Variants in MEPE observed in about 807,000 individuals in gnomAD.
The protein encoded by MEPE is matrix extracellular phosphoglycoprotein.
In MEPE, 7 loss-of-function variants were observed where a neutral mutation model predicts 7.3. That is an observed-to-expected ratio of 0.95 (90% CI 0.54 to 1.79). The LOEUF is 1.79. Ranked by LOEUF, MEPE falls within the 40% of genes most tolerant of loss-of-function variation. The pLI is 0.00. For missense variants in MEPE, 623 were observed against 628.2 expected (o/e 0.99, Z 0.09); for synonymous variants, 214 against 213.1 (o/e 1.00, Z -0.04).
chr4:87,833,606 C>A (rs1055456099), intron 1 of MEPE, among the ~76,000 whole-genome samples: 4 of 152,016 alleles, frequency 2.6e-5, no homozygotes, highest in Non-Finnish European at 4.4e-5. Context: ...CCCATAAAAA[C>A]AAGTTTTTCT....
chr4:87,828,495 A>G (rs1303379713), upstream of MEPE, among the ~76,000 whole-genome samples: 1 of 152,156 alleles, frequency 6.6e-6, no homozygotes, highest in Non-Finnish European at 1.5e-5. Context: ...CTAGAATACT[A>G]AGTTTAAAAA....
chr4:87,834,539 C>T (rs1015807746), intron 1 of MEPE, among the ~76,000 whole-genome samples, 164 bp from the exon 2 acceptor site: 7 of 152,152 alleles, frequency 4.6e-5, no homozygotes, highest in Admixed American at 2.6e-4. Context: ...TGTCCACACT[C>T]GGGTATAAGC....
chr4:87,829,567 T>C (rs192622383), upstream of MEPE, among the ~76,000 whole-genome samples: 1 of 152,154 alleles, frequency 6.6e-6, no homozygotes, highest in African/African-American at 2.4e-5. Context: ...CTAAGGCACA[T>C]ATCAAGTGTT....
intron 1 of MEPE, among the ~76,000 whole-genome samples, chr4:87,821,849 C>G (rs1356297608): frequency 6.6e-6 from 1 of 152,068 alleles, no homozygotes; most frequent in Non-Finnish European, 1.5e-5. Context: ...AGTTAAAGAC[C>G]CCTGAGCACC....
At chr4:87,840,346 G>A (rs55753538) in intron 3 of MEPE, among the ~76,000 whole-genome samples, 4,149 of 152,168 alleles carry the variant, frequency 0.027, 191 homozygotes, top group African/African-American at 0.094. Context: ...TCGGCCAAAG[G>A]GCTGGAAATA....
intron 3 of MEPE, chr4:87,839,549 TAAG>T (rs1186868556): frequency 9.4e-6 from 6 of 637,228 alleles, no homozygotes; most frequent in Admixed American, 5.7e-5. Context: ...CCTGTGGTTA[TAAG>T]AAGTACTACC....
At chr4:87,823,388 AG>A (rs926513728) in intron 1 of MEPE, among the ~76,000 whole-genome samples, 1 of 152,226 alleles carries the variant, frequency 6.6e-6, no homozygotes, top group African/African-American at 2.4e-5. Context: ...AGGATAGCAG[AG>A]GGGACCCATC....
intron 2 of MEPE, among the ~76,000 whole-genome samples, chr4:87,835,660 C>G (rs1578056528): frequency 2.6e-5 from 4 of 152,204 alleles, no homozygotes; most frequent in East Asian, 3.9e-4. Flanking sequence ...TCCGCACACA[C>G]TCTGTGCAAC....
chr4:87,838,856 C>G (rs1371337731), intron 3 of MEPE, among the ~76,000 whole-genome samples, 171 bp downstream of exon 3: 2 of 152,212 alleles, frequency 1.3e-5, no homozygotes, highest in Non-Finnish European at 2.9e-5. Context: ...ACTCACACAC[C>G]ATGTGTGACA....
intron 1 of MEPE, among the ~76,000 whole-genome samples, chr4:87,822,220 T>C (rs989243411): frequency 6.6e-6 from 1 of 152,200 alleles, no homozygotes; most frequent in Non-Finnish European, 1.5e-5. Flanking sequence ...AGTCTTTTGA[T>C]TGGCGTATTA....
At chr4:87,833,807 A>C (rs80127197) in intron 1 of MEPE, among the ~76,000 whole-genome samples, 1,873 of 152,296 alleles carry the variant, frequency 0.012, 41 homozygotes, top group African/African-American at 0.043. Flanking sequence ...TTTGAACATC[A>C]TTTTGTTGAG....
At chr4:87,825,734 T>C (rs1024453163) in intron 1 of MEPE, among the ~76,000 whole-genome samples, 1 of 152,224 alleles carries the variant, frequency 6.6e-6, no homozygotes, top group Non-Finnish European at 1.5e-5. Flanking sequence ...ATGCGCAGGA[T>C]GTGCGGGTTT....
At chr4:87,826,880 T>C (rs544694182) in intron 1 of MEPE, among the ~76,000 whole-genome samples, 105 of 152,344 alleles carry the variant, frequency 6.9e-4, no homozygotes, top group African/African-American at 2.1e-3. Flanking sequence ...TTTAAGTTTC[T>C]TATAGACTCT....
In MEPE at chr4:87,846,150, C is replaced by T; in HGVS notation, c.1282C>T (p.Pro428Ser). ...AACCTTAAATGAAAAACAAAGGTTT[C>T]CTAGTAAGGGCAAAAGTCAGGGCCT... is the stretch of plus-strand genomic sequence containing the variant. The part of the protein sequence containing the change: ...QATLNEKQRF[P>S]SKGKSQGLPI... The change falls in exon 4 of 4, where the codon CCT (proline) becomes TCT (serine). Residue 428 changes from proline to serine, a missense_variant. Transcript: ENST00000361056. 1 of 1,613,994 alleles carries T rather than the reference C, an allele frequency of 6.2e-7. No individual in the cohort carries two copies. Among genetic ancestry groups the T allele is most frequent in the Non-Finnish European group, 8.5e-7 (1 of 1,179,972 alleles).
intron 1 of MEPE, 94 bp downstream of exon 1, chr4:87,833,108 C>T (rs2109994311): frequency 6.6e-6 from 1 of 152,228 alleles, no homozygotes; most frequent in African/African-American, 2.4e-5. Context: ...GGTTTTATTA[C>T]TTTTGAAAAT....
At chr4:87,844,036 C>T (rs1455528677) in intron 3 of MEPE, among the ~76,000 whole-genome samples, 3 of 152,200 alleles carry the variant, frequency 2.0e-5, no homozygotes, top group African/African-American at 7.2e-5. Context: ...CCTCTCTTAG[C>T]TCCCATGGGC....
Position 87,846,500 on chromosome 4 carries a change from T to C in MEPE, c.*54T>C, listed in dbSNP as rs1209246647. ...GTCTGAAGACCTCGTCACCTGTGAG[T>C]TGATGTAGAGGAGAGCCACCTGACA... On this transcript the variant is annotated 3_prime_UTR_variant, in exon 4 of 4. Coordinates refer to ENST00000361056, the MANE Select transcript of MEPE (RefSeq NM_020203.6). 2.6e-6 allele frequency: 4 copies of C among 1,558,500 alleles called. No individual in the cohort carries two copies. The highest frequency in any genetic ancestry group is 1.4e-5 in the African/African-American group (1 of 73,270).
intron 2 of MEPE, among the ~76,000 whole-genome samples, chr4:87,835,763 A>G (rs1382977326): frequency 6.6e-6 from 1 of 152,184 alleles, no homozygotes; most frequent in Non-Finnish European, 1.5e-5. Flanking sequence ...CAAGGCCTAG[A>G]GGCTCAGGTG....
Position 87,822,103 on chromosome 4 carries a change from C to T in MEPE, c.-13+632C>T, listed in dbSNP as rs565154423. Among the ~76,000 whole-genome samples the T allele has an allele frequency of 1.8e-4, 27 of 152,186 alleles. 1 individual carries two copies. The highest frequency in any genetic ancestry group is 5.8e-4 in the African/African-American group (24 of 41,526). On this transcript the variant is annotated intron_variant, in intron 1 of 3. Transcript: ENST00000424957. The stretch of plus-strand genomic sequence containing the variant: ...TGGCTTTAAAAAAAAATGTCTCACC[C>T]GACTTTCCCGCCAAGTCTTACCTCC...
Sources: allele counts gnomAD v4.1 joint callset (sites outside exome capture counted in the v4.1 genomes callset), GRCh38; gene constraint gnomAD v4.1.1; transcripts MANE v1.5; gene names NCBI Gene and HGNC (gene_info 2026-07-23, HGNC 2026-07-21).